Variants in MTERF4 observed in about 807,000 individuals in gnomAD.
The protein encoded by MTERF4 is mitochondrial transcription termination factor 4, also known as transcription termination factor 4, mitochondrial.
MTERF4 carries 17 observed loss-of-function variants against 22.5 expected under a neutral mutation model. The ratio of observed to expected loss-of-function variants is 0.75; its 90% confidence interval spans 0.52 to 1.13. MTERF4 has a LOEUF of 1.13. MTERF4 is among the 50% of genes most tolerant of loss of function. The pLI, the probability that MTERF4 is intolerant of heterozygous loss-of-function variation, is 0.00. For missense variants in MTERF4, 420 were observed against 466.8 expected (o/e 0.90, Z 0.92); for synonymous variants, 165 against 175.3 (o/e 0.94, Z 0.47).
intron 1 of MTERF4, among the ~76,000 whole-genome samples, chr2:241,100,961 TAAC>T (rs1203255014): frequency 1.3e-5 from 2 of 152,188 alleles, no homozygotes; most frequent in Non-Finnish European, 2.9e-5. Flanking sequence ...GGCTGGTGCT[TAAC>T]AAACTATGCA....
At chr2:241,048,286 G>A in the MTERF4 span, 1 of 1,569,968 alleles carries the variant, frequency 6.4e-7, no homozygotes, top group Non-Finnish European at 8.6e-7. Flanking sequence ...TCCCTGCGTG[G>A]CCGCTGGTGA....
the MTERF4 span, chr2:241,048,900 C>A: frequency 8.5e-7 from 1 of 1,180,504 alleles, no homozygotes; most frequent in Non-Finnish European, 1.2e-6. Flanking sequence ...GAGGGACTGG[C>A]CACAAGAGTG....
chr2:241,061,838 C>T, the MTERF4 span, among the ~76,000 whole-genome samples: 9 of 146,640 alleles, frequency 6.1e-5, no homozygotes, highest in East Asian at 3.9e-4. Flanking sequence ...GGGCAACGAG[C>T]GAAACTCCAT....
chr2:241,083,300 G>A (rs1249324964), downstream of MTERF4, among the ~76,000 whole-genome samples: 1 of 152,202 alleles, frequency 6.6e-6, no homozygotes, highest in Non-Finnish European at 1.5e-5. Context: ...CATGTTGGGG[G>A]AGAAGTGGAG....
the MTERF4 span, among the ~76,000 whole-genome samples, chr2:241,045,815 C>A: frequency 6.6e-6 from 1 of 151,504 alleles, no homozygotes; most frequent in Non-Finnish European, 1.5e-5. Context: ...TAGACTTCAT[C>A]AAAATTTAAA....
intron 1 of MTERF4, chr2:241,101,183 G>A (rs2064688955): frequency 2.1e-6 from 1 of 466,766 alleles, no homozygotes; most frequent in South Asian, 1.6e-5. Flanking sequence ...GAATCACTGG[G>A]AGCCCTGAGC....
chr2:241,063,017 A>C, the MTERF4 span: 2 of 659,410 alleles, frequency 3.0e-6, no homozygotes, highest in Non-Finnish European at 5.1e-6. Context: ...TGGCCACTGC[A>C]TGCTTTCTCG....
chr2:241,093,053 T>A (rs2064141252), downstream of MTERF4: 1 of 152,286 alleles, frequency 6.6e-6, no homozygotes, highest in Non-Finnish European at 1.5e-5. Context: ...TTTATCTTTA[T>A]TAAAATTTCA....
Position 241,073,520 on chromosome 2 carries a change from A to T in MTERF4, n.2642T>A. On this transcript the variant is annotated non_coding_transcript_exon_variant, in exon 5 of 5. Coordinates refer to the MTERF4 transcript ENST00000464344. The surrounding 1 kb of genome is among the most constrained non-coding windows in gnomAD (Gnocchi z 6.6). ...GCACCAGGCACCCCGGTGTGGGAAG[A>T]TGGGGTGAAGCTACACCACCCAAGC... 4 of 689,518 alleles carry T rather than the reference A, an allele frequency of 5.8e-6. No homozygotes were observed. Among genetic ancestry groups the T allele is most frequent in the Non-Finnish European group, 1.1e-5 (4 of 379,556 alleles). 42.7% of individuals were successfully genotyped at this position (689,518 alleles called of 1,614,324 possible).
intron 1 of MTERF4, among the ~76,000 whole-genome samples, chr2:241,100,886 G>A (rs546013885): frequency 3.3e-4 from 50 of 152,168 alleles, no homozygotes; most frequent in African/African-American, 1.1e-3. Flanking sequence ...GTTGTTCAAG[G>A]GTCACAGTAA....
chr2:241,096,489 T>C lies in MTERF4; in HGVS notation c.706-51A>G. ...GTCCCAGATACAGAGTATTGAAACC[T>C]ATCATTCTATAAACCATAAAAACTT... On this transcript the variant is annotated intron_variant, in intron 3 of 3. Coordinates refer to ENST00000391980, the MANE Select transcript of MTERF4 (RefSeq NM_182501.4). This position sits in a 1 kb window ranked among gnomAD's most constrained non-coding sequence, Gnocchi z 5.1. 1 of 1,586,904 alleles carries C rather than the reference T, an allele frequency of 6.3e-7. No individual in the cohort carries two copies. Among genetic ancestry groups the C allele is most frequent in the Non-Finnish European group, 8.6e-7 (1 of 1,156,454 alleles).
At chr2:241,065,231 C>T in the MTERF4 span, 265 of 1,539,224 alleles carry the variant, frequency 1.7e-4, no homozygotes, top group African/African-American at 3.2e-3. Flanking sequence ...GAGCCGCCGA[C>T]GGGAGCCAGG....
chr2:241,087,213 C>A, downstream of MTERF4: 1 of 592,178 alleles, frequency 1.7e-6, no homozygotes, highest in Non-Finnish European at 3.0e-6. Flanking sequence ...TATTACAAAT[C>A]ACATGACCTT....
At chr2:241,087,922 G>A (rs2063668801), downstream of MTERF4, 4 of 415,366 alleles carry the variant, frequency 9.6e-6, no homozygotes, top group South Asian at 3.7e-4. Flanking sequence ...AATATTATAT[G>A]CTTTAGAAAC....
rs2062852701 is a variant in MTERF4, at chr2:241,073,533, AC to A, written n.2628del. On this transcript the variant is annotated non_coding_transcript_exon_variant, in exon 5 of 5. Transcript: ENST00000464344. The surrounding 1 kb of genome is among the most constrained non-coding windows in gnomAD (Gnocchi z 6.6). ...CGGTGTGGGAAGATGGGGTGAAGCT[AC>A]ACCACCCAAGCAGTGGGACCCCACA... 1 of 661,946 alleles carries A rather than the reference AC, an allele frequency of 1.5e-6. No individual in the cohort carries two copies. The highest frequency in any genetic ancestry group is 2.3e-5 in the Admixed American group (1 of 44,214). 41.0% of individuals were successfully genotyped at this position (661,946 alleles called of 1,614,324 possible). A position where few individuals can be genotyped will look rare whatever the true frequency, so the allele number is the denominator to read the frequency against.
Position 241,099,299 on chromosome 2 carries a change from C to T in MTERF4, c.520+97G>A. On this transcript the variant is annotated intron_variant, in intron 2 of 3. Coordinates refer to ENST00000391980, the MANE Select transcript of MTERF4 (RefSeq NM_182501.4). ...CATGTTGGCCAGGCTGATCTTGAAC[C>T]CCTGACCTCAAGTGATCTGCCTGCC... 2.9e-6 allele frequency: 4 copies of T among 1,361,582 alleles called. No individual in the cohort carries two copies. In the South Asian group the frequency reaches 5.5e-5, roughly 19 times the overall value. 84.3% of individuals were successfully genotyped at this position (1,361,582 alleles called of 1,614,324 possible).
the MTERF4 span, chr2:241,063,312 G>C: frequency 3.8e-6 from 2 of 521,122 alleles, no homozygotes; most frequent in East Asian, 6.9e-5. Context: ...CCAGGGAGCC[G>C]TGCCCAGTCG....
the MTERF4 span, among the ~76,000 whole-genome samples, chr2:241,044,089 A>G: frequency 6.6e-6 from 1 of 152,228 alleles, no homozygotes; most frequent in Non-Finnish European, 1.5e-5. Flanking sequence ...CCAATTGTGG[A>G]GATAGAAATT....
downstream of MTERF4, chr2:241,071,736 A>G (rs6760731): frequency 1 from 1,509,420 of 1,510,206 alleles, 754,317 homozygotes; most frequent in Middle Eastern, 1. Context: ...TGCCCCACCC[A>G]TCGGCCCCAT....
Sources: allele counts gnomAD v4.1 joint callset (sites outside exome capture counted in the v4.1 genomes callset), GRCh38; gene constraint gnomAD v4.1.1; non-coding constraint Gnocchi (gnomAD v3.1); transcripts MANE v1.5; gene names NCBI Gene and HGNC (gene_info 2026-07-23, HGNC 2026-07-21).